Variants in PTPRD observed in about 807,000 individuals in gnomAD.
PTPRD encodes receptor-type tyrosine-protein phosphatase delta.
A neutral mutation model predicts 214.5 loss-of-function variants in PTPRD; 34 were observed. That is an observed-to-expected ratio of 0.16 (90% CI 0.12 to 0.21). PTPRD has a LOEUF of 0.21. PTPRD is among the 10% of genes least tolerant of loss of function. The pLI is 1.00. For synonymous variants in PTPRD, 1,128 were observed against 845.7 expected (o/e 1.33, Z -5.79); for missense variants, 2,545 against 2,398.7 (o/e 1.06, Z -1.27).
At chr9:9,350,702 C>G (rs757768068) in intron 9 of PTPRD, among the ~76,000 whole-genome samples, 1 of 151,996 alleles carries the variant, frequency 6.6e-6, no homozygotes, top group Non-Finnish European at 1.5e-5. Flanking sequence ...GATTACTACT[C>G]TTTTATTTTA....
chr9:9,730,360 T>C (rs879486840), intron 7 of PTPRD, among the ~76,000 whole-genome samples: 2 of 152,086 alleles, frequency 1.3e-5, no homozygotes, highest in Non-Finnish European at 2.9e-5. Context: ...CCATTAATCA[T>C]CATTGCGTGA....
intron 2 of PTPRD, among the ~76,000 whole-genome samples, chr9:10,609,211 T>C (rs2080293375): frequency 6.6e-6 from 1 of 152,080 alleles, no homozygotes; most frequent in African/African-American, 2.4e-5. Flanking sequence ...GAGACATACA[T>C]AGATAGTAGC....
At chr9:8,940,280 C>CTCTCCTTTTTTTTTTTTT (rs2099023955) in intron 11 of PTPRD, among the ~76,000 whole-genome samples, 1 of 89,050 alleles carries the variant, frequency 1.1e-5, no homozygotes. Flanking sequence ...TCTCTCTCTC[C>CTCTCCTTTTTTTTTTTTT]TTTTTTTTTT....
intron 9 of PTPRD, among the ~76,000 whole-genome samples, chr9:9,336,448 T>A (rs1380590107): frequency 6.6e-6 from 1 of 152,162 alleles, no homozygotes; most frequent in Non-Finnish European, 1.5e-5. Context: ...GATCTTGATG[T>A]CCAACCAGGT....
intron 9 of PTPRD, among the ~76,000 whole-genome samples, chr9:9,340,949 G>A (rs10511523): frequency 0.18 from 27,890 of 151,928 alleles, 2,832 homozygotes; most frequent in East Asian, 0.34. Flanking sequence ...TAAATACACA[G>A]ACCTCTTCTA....
chr9:10,501,395 T>G (rs570335757), intron 2 of PTPRD, among the ~76,000 whole-genome samples: 3 of 152,184 alleles, frequency 2.0e-5, no homozygotes, highest in South Asian at 4.1e-4. Context: ...TTTTTTTCTA[T>G]AGAGTCATCT....
At chr9:9,839,048 G>C (rs1016362854) in intron 5 of PTPRD, among the ~76,000 whole-genome samples, 8 of 152,010 alleles carry the variant, frequency 5.3e-5, no homozygotes, top group Non-Finnish European at 1.2e-4. Context: ...GCTTGTTTTT[G>C]TCAGGTTTGT....
At chr9:8,743,848 A>G (rs1282936795) in intron 11 of PTPRD, among the ~76,000 whole-genome samples, 1 of 151,032 alleles carries the variant, frequency 6.6e-6, no homozygotes, top group Non-Finnish European at 1.5e-5. Context: ...GAGTTAACAG[A>G]CAACCTACAG....
At chr9:10,287,842 C>A (rs1159683478) in intron 3 of PTPRD, among the ~76,000 whole-genome samples, 1 of 152,144 alleles carries the variant, frequency 6.6e-6, no homozygotes, top group African/African-American at 2.4e-5. Context: ...CGTTCCAGAG[C>A]GATTCTTCAG....
At chr9:9,981,057 C>T (rs2095527373) in intron 4 of PTPRD, among the ~76,000 whole-genome samples, 1 of 66,984 alleles carries the variant, frequency 1.5e-5, no homozygotes, top group South Asian at 4.3e-4. Flanking sequence ...TAACAAAGTT[C>T]TCCAAAAGTT....
At chr9:10,104,867 A>G (rs892664888) in intron 3 of PTPRD, among the ~76,000 whole-genome samples, 7 of 151,876 alleles carry the variant, frequency 4.6e-5, no homozygotes, top group Non-Finnish European at 8.8e-5. Context: ...CTCCTGCCTT[A>G]GTCTCCTGTC....
chr9:9,373,917 T>C (rs1305796642), intron 9 of PTPRD, among the ~76,000 whole-genome samples: 1 of 152,106 alleles, frequency 6.6e-6, no homozygotes, highest in Admixed American at 6.6e-5. Context: ...ATGGACATTA[T>C]ATTTTATCAA....
chr9:9,055,718 T>C (rs1345600244), intron 10 of PTPRD, among the ~76,000 whole-genome samples: 1 of 151,254 alleles, frequency 6.6e-6, no homozygotes, highest in Non-Finnish European at 1.5e-5. Flanking sequence ...ATAAATATTT[T>C]ATATATATTT....
rs1273129935 is a variant in PTPRD, at chr9:9,141,778, CATATATT to C, written c.-143+41519_-143+41525del. Among the ~76,000 whole-genome samples the C allele has an allele frequency of 4.6e-5, 7 of 150,934 alleles. No homozygotes were observed. The Admixed American group carries it at 4.6e-4, about 10-fold the overall frequency. On this transcript the variant is annotated intron_variant, in intron 10 of 45. Transcript: ENST00000381196. ...TCATGCATATTAATATAAACATATT[CATATATT>C]ATATATCTCTATATAATAGTTATTA...
chr9:9,804,539 T>C (rs1219910055), intron 5 of PTPRD, among the ~76,000 whole-genome samples: 1 of 152,150 alleles, frequency 6.6e-6, no homozygotes, highest in Non-Finnish European at 1.5e-5. Context: ...TTTCCTTAAC[T>C]CTTTTGAGGA....
intron 9 of PTPRD, among the ~76,000 whole-genome samples, chr9:9,250,226 C>T (rs1384554659): frequency 6.6e-6 from 1 of 152,068 alleles, no homozygotes; most frequent in Non-Finnish European, 1.5e-5. Context: ...TGTGTAGCTT[C>T]ATATTTTCCT....
chr9:9,679,415 C>T (rs2097016246), intron 7 of PTPRD, among the ~76,000 whole-genome samples: 1 of 151,776 alleles, frequency 6.6e-6, no homozygotes. Flanking sequence ...ATAGAAGAAA[C>T]AAACTGTCAA....
chr9:10,416,821 C>A (rs956874557), intron 2 of PTPRD, among the ~76,000 whole-genome samples: 3 of 151,402 alleles, frequency 2.0e-5, no homozygotes, highest in Admixed American at 6.6e-5. Context: ...TCAGACTAGG[C>A]AAGGATGCTG....
At chr9:10,354,063 G>A (rs1001299084) in intron 2 of PTPRD, among the ~76,000 whole-genome samples, 5 of 152,102 alleles carry the variant, frequency 3.3e-5, no homozygotes, top group African/African-American at 1.2e-4. Flanking sequence ...TAAATCCACT[G>A]TATTGCACTT....
Sources: allele counts gnomAD v4.1 joint callset (sites outside exome capture counted in the v4.1 genomes callset), GRCh38; gene constraint gnomAD v4.1.1; transcripts MANE v1.5; gene names NCBI Gene and HGNC (gene_info 2026-07-23, HGNC 2026-07-21).